Variants in SNX6 observed in about 807,000 individuals in gnomAD.
SNX6 encodes sorting nexin-6.
In SNX6, 34 loss-of-function variants were observed where a neutral mutation model predicts 63.0. That is an observed-to-expected ratio of 0.54 (90% CI 0.41 to 0.72). The LOEUF is 0.72. Among genes scored for constraint, SNX6 ranks in the 30% least tolerant of loss-of-function variants. The pLI is 0.00. For missense variants in SNX6, 398 were observed against 471.4 expected, an observed-to-expected ratio of 0.84 and a Z score of 1.44; for synonymous variants, 170 against 164.2, an observed-to-expected ratio of 1.04 and a Z score of -0.27.
chr14:34,593,574 CTT>C (rs397852358), intron 7 of SNX6, among the ~76,000 whole-genome samples: 46 of 131,582 alleles, frequency 3.5e-4, no homozygotes, highest in Non-Finnish European at 3.3e-4. Context: ...AATTTCTTTT[CTT>C]TTTTTTTTTT....
chr14:34,603,685 T>C (rs1020529523), intron 5 of SNX6, among the ~76,000 whole-genome samples: 3 of 152,192 alleles, frequency 2.0e-5, no homozygotes, highest in African/African-American at 7.2e-5. Flanking sequence ...ATAATATTTA[T>C]ATCTAAATGT....
At chr14:34,608,351 T>C (rs1381959746) in intron 3 of SNX6, among the ~76,000 whole-genome samples, 1 of 152,110 alleles carries the variant, frequency 6.6e-6, no homozygotes, top group Non-Finnish European at 1.5e-5. Flanking sequence ...TTTGTAAAGA[T>C]GAGGTCTCAC....
At chr14:34,629,361 A>AC in intron 2 of SNX6, 1 of 379,576 alleles carries the variant, frequency 2.6e-6, no homozygotes. Context: ...TAAAGATACC[A>AC]TGGGCTACCT....
intron 13 of SNX6, 120 bp from the exon 14 acceptor site, chr14:34,563,295 A>T (rs1881012955): frequency 1.1e-6 from 1 of 888,758 alleles, no homozygotes; most frequent in East Asian, 2.8e-5. Flanking sequence ...GCGGTGGCTC[A>T]TGCCTGTAAT....
chr14:34,608,899 G>A (rs1437607056), intron 3 of SNX6, among the ~76,000 whole-genome samples: 1 of 152,000 alleles, frequency 6.6e-6, no homozygotes, highest in Non-Finnish European at 1.5e-5. Context: ...GTGGTGGCTT[G>A]TGCCTGTAGT....
At chr14:34,584,340 C>T (rs146215213) in intron 9 of SNX6, among the ~76,000 whole-genome samples, 4 of 149,710 alleles carry the variant, frequency 2.7e-5, no homozygotes, top group East Asian at 2.1e-4. Context: ...CTTGCTCTGT[C>T]GCCCAGGCTG....
chr14:34,623,387 A>C (rs982991420), intron 2 of SNX6, among the ~76,000 whole-genome samples: 1 of 152,194 alleles, frequency 6.6e-6, no homozygotes, highest in Non-Finnish European at 1.5e-5. Context: ...GAAGCCAGTC[A>C]GAAAAGGTTA....
rs1373865515 is a variant in SNX6, at chr14:34,603,093, C to T, written c.516+255G>A. 2.7e-5 allele frequency among the ~76,000 whole-genome samples: 4 copies of T among 150,838 alleles called. No individual in the cohort carries two copies. In the South Asian group the frequency reaches 6.3e-4, roughly 24 times the overall value. On this transcript the variant is annotated intron_variant, in intron 6 of 13. Transcript: ENST00000362031. ...GAGATCGAGACCATTCTGGCTAACA[C>T]GGTGAAACACCATCTTTACTTCAAA...
chr14:34,612,546 G>A (rs1264725122), intron 2 of SNX6, among the ~76,000 whole-genome samples: 2 of 151,956 alleles, frequency 1.3e-5, no homozygotes, highest in East Asian at 2.0e-4. Context: ...TGATTCTCCT[G>A]CCTCAACCTC....
At chr14:34,605,501 A>G in intron 5 of SNX6, 95 bp downstream of exon 5, 2 of 1,013,910 alleles carry the variant, frequency 2.0e-6, no homozygotes, top group South Asian at 1.7e-5. Context: ...ATGATGGGAT[A>G]TCAGAAAACA....
rs1280382211 is a variant in SNX6 at position 34,619,822 on chromosome 14, C to T, written c.55-10080G>A. On this transcript the variant is annotated intron_variant, in intron 2 of 13. Coordinates refer to ENST00000362031, the MANE Select transcript of SNX6 (RefSeq NM_152233.4). The stretch of plus-strand genomic sequence containing the variant: ...CTGCTGGTCCCTTCAACTCTCACTG[C>T]TCTTTTACCATACCTGGCTCACAAA... Among the ~76,000 whole-genome samples the T allele has an allele frequency of 5.3e-5, 8 of 152,286 alleles. 1 individual carries two copies. Among genetic ancestry groups the T allele is most frequent in the Middle Eastern group, 3.4e-3 (1 of 294 alleles).
In SNX6 at chr14:34,567,869, C is replaced by G. The variant is rs1216605018; in HGVS notation, c.1066G>C (p.Glu356Gln). The G allele has an allele frequency of 1.2e-6, 2 of 1,613,938 alleles. No homozygotes were observed. The highest frequency in any genetic ancestry group is 2.7e-5 in the African/African-American group (2 of 74,902). The change falls in exon 12 of 14, where the codon GAG becomes CAG. Residue 356 changes from glutamate to glutamine, a missense_variant. Coordinates refer to ENST00000362031, the MANE Select transcript of SNX6 (RefSeq NM_152233.4). Reference protein sequence around the residue: ...LCCQKFEKISESAKQELIDFK... With the variant: ...LCCQKFEKISQSAKQELIDFK... ...GTAACAGTACCTTGTTTTGCAGACT[C>G]AGATATTTTTTCAAATTTCTGACAA...
chr14:34,574,390 T>C lies in SNX6; in HGVS notation c.921+1366A>G, dbSNP rs1273917129. 3.3e-5 allele frequency among the ~76,000 whole-genome samples: 5 copies of C among 149,346 alleles called. No individual in the cohort carries two copies. The East Asian group carries it at 1.0e-3, about 30-fold the overall frequency. ...CCTTTCGCAGTATGTGGCTCATGCC[T>C]GTTAATTCCAGCACTTTGGGAGGCC... On this transcript the variant is annotated intron_variant, in intron 11 of 13. Transcript: ENST00000362031.
chr14:34,566,974 G>A (rs1881208951), intron 13 of SNX6, among the ~76,000 whole-genome samples: 1 of 152,110 alleles, frequency 6.6e-6, no homozygotes, highest in Non-Finnish European at 1.5e-5. Flanking sequence ...TGTAATCTCA[G>A]CACTACGGGA....
chr14:34,586,332 T>A (rs1227398232), intron 8 of SNX6, 27 bp from the exon 9 acceptor site: 1 of 1,421,310 alleles, frequency 7.0e-7, no homozygotes, highest in Non-Finnish European at 9.9e-7. Context: ...AAGAATTTAG[T>A]ATACCTATTC....
chr14:34,584,447 G>A (rs1265376013), intron 9 of SNX6, among the ~76,000 whole-genome samples: 1 of 150,858 alleles, frequency 6.6e-6, no homozygotes, highest in Non-Finnish European at 1.5e-5. Context: ...GATTACAGGT[G>A]TACACCACCA....
chr14:34,596,247 G>C (rs1214660559), intron 7 of SNX6, among the ~76,000 whole-genome samples: 1 of 150,820 alleles, frequency 6.6e-6, no homozygotes, highest in African/African-American at 2.4e-5. Context: ...GAAAAATATA[G>C]GTGTTTTCCA....
chr14:34,614,776 A>G (rs1427556697), intron 2 of SNX6, among the ~76,000 whole-genome samples: 1 of 152,130 alleles, frequency 6.6e-6, no homozygotes, highest in Non-Finnish European at 1.5e-5. Flanking sequence ...TTAGCTGGGC[A>G]TGGTGGCCCA....
intron 9 of SNX6, among the ~76,000 whole-genome samples, chr14:34,583,419 T>C (rs928051569): frequency 6.9e-6 from 1 of 145,100 alleles, no homozygotes; most frequent in African/African-American, 2.5e-5. Context: ...TAAGTAGAAA[T>C]TGGTTATTCA....
Sources: allele counts gnomAD v4.1 joint callset (sites outside exome capture counted in the v4.1 genomes callset), GRCh38; gene constraint gnomAD v4.1.1; transcripts MANE v1.5; gene names NCBI Gene and HGNC (gene_info 2026-07-23, HGNC 2026-07-21).